KALRN: variants seen among roughly 807,000 people sequenced by gnomAD.
The protein encoded by KALRN is kalirin RhoGEF kinase.
A neutral mutation model predicts 353.7 loss-of-function variants in KALRN; 70 were observed. That is an observed-to-expected ratio of 0.20 (90% CI 0.16 to 0.24). The LOEUF is 0.24. KALRN is among the 10% of genes least tolerant of loss of function. The pLI is 1.00. For synonymous variants in KALRN, 1,391 were observed against 1,434.8 expected (o/e 0.97, Z 0.69); for missense variants, 2,791 against 3,756.7 (o/e 0.74, Z 6.72).
chr3:124,530,076 G>A (rs1317907762), intron 33 of KALRN, among the ~76,000 whole-genome samples: 2 of 152,148 alleles, frequency 1.3e-5, no homozygotes, highest in Non-Finnish European at 2.9e-5. Flanking sequence ...TCCATCTATT[G>A]TGAGTCAGCC....
intron 1 of KALRN, among the ~76,000 whole-genome samples, chr3:124,052,884 G>T (rs75995942): frequency 6.6e-6 from 1 of 152,130 alleles, no homozygotes; most frequent in East Asian, 1.9e-4. Flanking sequence ...AGTGACAAGT[G>T]GGGAGAGGCA....
chr3:124,646,390 A>AATTTTTTTTTTTTTTTTTT (rs1578623220), intron 37 of KALRN, among the ~76,000 whole-genome samples: 1 of 94,672 alleles, frequency 1.1e-5, no homozygotes, highest in African/African-American at 3.9e-5. Flanking sequence ...TCTTTTGTTT[A>AATTTTTTTTTTTTTTTTTT]CTTTTTTTTT....
chr3:124,355,709 C>CTTTTTTTTTTTTTTTTT (rs3055894), intron 10 of KALRN, among the ~76,000 whole-genome samples: 4 of 97,446 alleles, frequency 4.1e-5, no homozygotes, highest in African/African-American at 1.6e-4. Context: ...TCTCTCCCAT[C>CTTTTTTTTTTTTTTTTT]TTTTTTTTTT....
At chr3:124,238,779 T>C (rs1163548992) in intron 3 of KALRN, among the ~76,000 whole-genome samples, 1 of 152,190 alleles carries the variant, frequency 6.6e-6, no homozygotes, top group Non-Finnish European at 1.5e-5. Flanking sequence ...ACAGCTTGGA[T>C]CAGTCCTGAC....
intron 6 of KALRN, among the ~76,000 whole-genome samples, chr3:124,313,998 A>G (rs1357528875): frequency 6.6e-6 from 1 of 152,132 alleles, no homozygotes; most frequent in East Asian, 1.9e-4. Flanking sequence ...CAATGGTTGA[A>G]CTAGAATACC....
intron 33 of KALRN, among the ~76,000 whole-genome samples, chr3:124,562,235 T>TCCTCGTAG (rs1440931891): frequency 1.2e-4 from 18 of 152,200 alleles, no homozygotes; most frequent in Non-Finnish European, 2.9e-5. Flanking sequence ...CTTTTTGTAG[T>TCCTCGTAG]CCTCGTAGCC....
chr3:124,229,932 C>T (rs2078970791), intron 2 of KALRN, among the ~76,000 whole-genome samples: 1 of 152,194 alleles, frequency 6.6e-6, no homozygotes, highest in African/African-American at 2.4e-5. Flanking sequence ...GTTGAACAGG[C>T]AGAACAACTC....
At chr3:124,610,906 G>T (rs2077879652) in intron 34 of KALRN, among the ~76,000 whole-genome samples, 2 of 152,060 alleles carry the variant, frequency 1.3e-5, no homozygotes, top group Non-Finnish European at 2.9e-5. Context: ...CGCACACTGT[G>T]GTCCCAATTA....
chr3:124,715,533 A>G (rs1442126646), intron 58 of KALRN, among the ~76,000 whole-genome samples: 1 of 152,226 alleles, frequency 6.6e-6, no homozygotes, highest in Non-Finnish European at 1.5e-5. Context: ...AACAAGCCCA[A>G]TCCTACTCCA....
intron 34 of KALRN, among the ~76,000 whole-genome samples, chr3:124,627,649 T>C (rs973230091): frequency 2.0e-5 from 3 of 152,208 alleles, no homozygotes; most frequent in Non-Finnish European, 4.4e-5. Context: ...AGGGGTCTAG[T>C]GAATGAAAAG....
chr3:124,292,186 C>T (rs1418064147), intron 5 of KALRN, among the ~76,000 whole-genome samples: 3 of 152,100 alleles, frequency 2.0e-5, no homozygotes, highest in African/African-American at 7.2e-5. Context: ...GGAGATTTTG[C>T]CTTTGATTCT....
chr3:124,685,339 A>T (rs1354856840), intron 51 of KALRN, among the ~76,000 whole-genome samples: 1 of 151,858 alleles, frequency 6.6e-6, no homozygotes, highest in African/African-American at 2.4e-5. Flanking sequence ...TTTTAAGAAG[A>T]TCGTCCACAG....
At chr3:124,544,907 G>T (rs1235352520) in intron 33 of KALRN, among the ~76,000 whole-genome samples, 1 of 152,220 alleles carries the variant, frequency 6.6e-6, no homozygotes, top group African/African-American at 2.4e-5. Context: ...AGGGTAGGGT[G>T]CTCTAGGCAG....
At chr3:124,386,982 G>C (rs1228523871) in intron 11 of KALRN, among the ~76,000 whole-genome samples, 1 of 152,160 alleles carries the variant, frequency 6.6e-6, no homozygotes, top group Admixed American at 6.5e-5. Context: ...TAGTACAGCA[G>C]ATATTTTACC....
intron 37 of KALRN, among the ~76,000 whole-genome samples, chr3:124,644,163 T>C (rs923186876): frequency 2.6e-5 from 4 of 152,056 alleles, no homozygotes; most frequent in African/African-American, 9.7e-5. Flanking sequence ...AACTACTGTT[T>C]TATTTTCTAT....
In KALRN at chr3:124,434,338, C is replaced by T. The variant is rs532130353; in HGVS notation, c.2861C>T (p.Thr954Met). Residue 954 changes from threonine (T) to methionine (M), a missense_variant, in exon 17 of 60, where the codon ACG becomes ATG. Thr to Met is a moderately conservative substitution (Grantham distance 81). Coordinates refer to ENST00000682506, the MANE Select transcript of KALRN (RefSeq NM_001388419.1). ...SLFHATSLQK[T>M]HQSALQVQQK... ...TTTCATGCCACTTCCTTGCAGAAGA[C>T]GCACCAGAGTGCCCTGCAGGTACAG... 72 of 1,613,194 alleles carry T rather than the reference C, an allele frequency of 4.5e-5. No homozygotes were observed. The highest frequency in any genetic ancestry group is 1.9e-4 in the Middle Eastern group (1 of 5,302).
chr3:124,388,956 T>C (rs1318188026), intron 11 of KALRN, among the ~76,000 whole-genome samples: 1 of 152,220 alleles, frequency 6.6e-6, no homozygotes, highest in Non-Finnish European at 1.5e-5. Flanking sequence ...TCTGGCTTTT[T>C]ATTCAAGACA....
Position 124,234,935 on chromosome 3 carries a change from C to A in KALRN, c.255C>A (p.Ser85Arg), listed in dbSNP as rs574386011. 1.3e-5 allele frequency: 21 copies of A among 1,598,280 alleles called. No individual in the cohort carries two copies. Among genetic ancestry groups the A allele is most frequent in the Non-Finnish European group, 1.8e-5 (21 of 1,171,392 alleles). ...GGAAACTCGTGACGTATTTGGCCAG[C>A]GTGCCAAGGTAAGGGGAAGGGGAAT... ...DLRKLVTYLA[S>R]VPSEDVCKRG... is the part of the protein sequence containing the mutation. The change falls in exon 3 of 60, where the codon AGC becomes AGA. Residue 85 changes from serine to arginine, a missense_variant. Coordinates refer to ENST00000682506, the MANE Select transcript of KALRN (RefSeq NM_001388419.1).
At chr3:124,663,018 G>A (rs1327837595) in intron 45 of KALRN, among the ~76,000 whole-genome samples, 4 of 151,890 alleles carry the variant, frequency 2.6e-5, no homozygotes, top group Non-Finnish European at 4.4e-5. Context: ...GAGTGCAGTG[G>A]CAACAAAACC....
Sources: gnomAD v4.1 joint callset for allele counts (sites outside exome capture counted in the v4.1 genomes callset) on GRCh38, gnomAD v4.1.1 for gene constraint, MANE v1.5 for transcripts, NCBI Gene and HGNC (gene_info 2026-07-23, HGNC 2026-07-21) for gene names.